The following INPP5B variants were observed in gnomAD, a reference collection of about 807,000 sequenced individuals.
INPP5B encodes the protein inositol polyphosphate-5-phosphatase B, also known as type II inositol 1,4,5-trisphosphate 5-phosphatase.
Under a neutral mutation model 118.5 loss-of-function variants are expected in INPP5B, and 90 were observed. The ratio of observed to expected loss-of-function variants is 0.76; its 90% confidence interval spans 0.64 to 0.90. The LOEUF is 0.90. INPP5B is among the 40% of genes least tolerant of loss of function. The pLI is 0.00. For missense variants in INPP5B, 984 were observed against 1,125.6 expected (o/e 0.87, Z 1.80); for synonymous variants, 385 against 418.9 (o/e 0.92, Z 0.99).
intron 23 of INPP5B, among the ~76,000 whole-genome samples, chr1:37,863,370 C>T (rs1641824383): frequency 6.6e-6 from 1 of 152,020 alleles, no homozygotes; most frequent in Non-Finnish European, 1.5e-5. Flanking sequence ...CAAAAATTAG[C>T]TGGGCATGGT....
At chr1:37,869,520 G>A (rs577628756) in intron 19 of INPP5B, among the ~76,000 whole-genome samples, 27 of 150,628 alleles carry the variant, frequency 1.8e-4, no homozygotes, top group Non-Finnish European at 2.5e-4. Flanking sequence ...TTGCTCTGTC[G>A]CCCAGGCTCA....
At chr1:37,884,882 G>A (rs977716969) in intron 13 of INPP5B, 5 of 151,862 alleles carry the variant, frequency 3.3e-5, no homozygotes, top group African/African-American at 1.2e-4. Flanking sequence ...ACTGGGAGGT[G>A]GGGGTTGTGA....
chr1:37,938,295 A>AATCAATC (rs1553162614), intron 6 of INPP5B, among the ~76,000 whole-genome samples: 56 of 151,248 alleles, frequency 3.7e-4, no homozygotes, highest in Middle Eastern at 3.4e-3. Context: ...ATAAATAAAT[A>AATCAATC]AATAAATAAA....
intron 7 of INPP5B, among the ~76,000 whole-genome samples, chr1:37,927,558 A>G (rs1361872895): frequency 2.1e-5 from 3 of 145,068 alleles, no homozygotes; most frequent in South Asian, 2.1e-4. Flanking sequence ...TTTTTTTGAG[A>G]CAGAGTCTCG....
At chr1:37,888,081 G>A (rs1557650728) in intron 10 of INPP5B, among the ~76,000 whole-genome samples, 162 bp downstream of exon 10, 1 of 152,174 alleles carries the variant, frequency 6.6e-6, no homozygotes, top group Non-Finnish European at 1.5e-5. Flanking sequence ...CTTTAATAGT[G>A]GCAGACATTT....
chr1:37,866,585 A>G (rs777797220), intron 20 of INPP5B, 42 bp from the exon 21 acceptor site: 12 of 1,197,594 alleles, frequency 1.0e-5, no homozygotes, highest in Non-Finnish European at 1.4e-5. Context: ...ATTTTCTCAG[A>G]AAATCATCAA....
chr1:37,919,414 C>A (rs909832516), intron 7 of INPP5B, among the ~76,000 whole-genome samples: 1 of 152,166 alleles, frequency 6.6e-6, no homozygotes, highest in Non-Finnish European at 1.5e-5. Flanking sequence ...CCTGACAGTT[C>A]AAACTGACCG....
At chr1:37,876,117 T>C (rs1642786077) in intron 16 of INPP5B, among the ~76,000 whole-genome samples, 2 of 151,740 alleles carry the variant, frequency 1.3e-5, no homozygotes, top group Non-Finnish European at 2.9e-5. Context: ...GTTTTTTTTT[T>C]TTTTTTGCAA....
At chr1:37,880,050 G>A (rs770684608) in intron 15 of INPP5B, 35 bp downstream of exon 15, 11 of 1,429,782 alleles carry the variant, frequency 7.7e-6, no homozygotes, top group Admixed American at 1.8e-5. Flanking sequence ...CTGGGTTTCC[G>A]TTTGCTCAAC....
intron 3 of INPP5B, among the ~76,000 whole-genome samples, chr1:37,944,408 T>A (rs1457415410): frequency 1.3e-5 from 2 of 152,204 alleles, no homozygotes; most frequent in Non-Finnish European, 2.9e-5. Context: ...TTTCTTTTTT[T>A]TATTTATTAT....
chr1:37,912,054 C>T (rs540433705), intron 7 of INPP5B, among the ~76,000 whole-genome samples: 5 of 152,186 alleles, frequency 3.3e-5, no homozygotes, highest in Non-Finnish European at 7.3e-5. Flanking sequence ...GACACCAGCC[C>T]TCTAGGCAAC....
intron 15 of INPP5B, among the ~76,000 whole-genome samples, chr1:37,878,883 C>G (rs182710354): frequency 6.0e-4 from 90 of 150,990 alleles, no homozygotes; most frequent in African/African-American, 2.2e-3. Context: ...CTCCTGAGCT[C>G]AGGCAATCTG....
intron 7 of INPP5B, among the ~76,000 whole-genome samples, chr1:37,904,703 C>G (rs910395020): frequency 6.6e-6 from 1 of 151,800 alleles, no homozygotes; most frequent in African/African-American, 2.4e-5. Context: ...CAAGGAGAAA[C>G]CCCATCTCTA....
chr1:37,896,536 C>T (rs1157580077), intron 7 of INPP5B, among the ~76,000 whole-genome samples: 2 of 147,306 alleles, frequency 1.4e-5, no homozygotes, highest in Admixed American at 6.6e-5. Context: ...TCTGCCCGGC[C>T]GCCCCTACTG....
At chr1:37,885,438 G>A in intron 13 of INPP5B, 200 bp downstream of exon 13, 1 of 488,960 alleles carries the variant, frequency 2.0e-6, no homozygotes. Flanking sequence ...TAAGAAAAGA[G>A]AAAGACTCAA....
intron 6 of INPP5B, 76 bp downstream of exon 6, chr1:37,940,612 G>T: frequency 1.2e-6 from 1 of 830,900 alleles, no homozygotes. Context: ...AGTCCAAAGG[G>T]TGGAGAGTCA....
chr1:37,877,328 C>G (rs917855711), intron 16 of INPP5B, among the ~76,000 whole-genome samples: 1 of 147,070 alleles, frequency 6.8e-6, no homozygotes, highest in Non-Finnish European at 1.5e-5. Flanking sequence ...GGTGACAGAG[C>G]GAGACTCCAT....
At chr1:37,891,218 AC>A (rs938027732) in intron 8 of INPP5B, 139 bp downstream of exon 8, 1 of 544,058 alleles carries the variant, frequency 1.8e-6, no homozygotes, top group African/African-American at 2.1e-5. Context: ...TAAGAGCGAA[AC>A]TCTGTCTCAA....
chr1:37,880,015 A>C, intron 15 of INPP5B, 70 bp downstream of exon 15: 1 of 980,616 alleles, frequency 1.0e-6, no homozygotes, highest in Non-Finnish European at 1.6e-6. Context: ...CTTAGGTCCA[A>C]AAGGGCAAGT....
Sources: allele counts gnomAD v4.1 joint callset (sites outside exome capture counted in the v4.1 genomes callset), GRCh38; gene constraint gnomAD v4.1.1; transcripts MANE v1.5; gene names NCBI Gene and HGNC (gene_info 2026-07-23, HGNC 2026-07-21).